Variants in RAB27B observed in about 807,000 individuals in gnomAD.
RAB27B encodes RAB27B, member RAS oncogene family.
In RAB27B, 15 loss-of-function variants were observed where a neutral mutation model predicts 24.6. That is an observed-to-expected ratio of 0.61 (90% CI 0.41 to 0.94). RAB27B has a LOEUF of 0.94. RAB27B is among the 40% of genes least tolerant of loss of function. The pLI, the probability that RAB27B is intolerant of heterozygous loss-of-function variation, is 0.00. For missense variants in RAB27B, 261 were observed against 266.8 expected (o/e 0.98, Z 0.15); for synonymous variants, 105 against 92.5 (o/e 1.14, Z -0.78).
intron 3 of RAB27B, among the ~76,000 whole-genome samples, chr18:54,882,260 T>C (rs1347166553): frequency 1.3e-5 from 2 of 152,210 alleles, no homozygotes; most frequent in Admixed American, 6.5e-5. Flanking sequence ...TCATTTAAAA[T>C]ATTTAATAAT....
intron 1 of RAB27B, among the ~76,000 whole-genome samples, chr18:54,871,082 T>C (rs1444060707): frequency 6.6e-6 from 1 of 152,248 alleles, no homozygotes; most frequent in East Asian, 1.9e-4. Context: ...TTGATGTTAA[T>C]TTATATTTGC....
rs763664942 is a variant in RAB27B, at chr18:54,888,042, A to T, written c.391A>T (p.Ile131Phe). ...TTGTGAAAATCCAGATATAGTATTA[A>T]TTGGCAACAAGGCAGACCTACCAGA... ...AYCENPDIVLIGNKADLPDQR... is the reference protein window; with the variant it reads ...AYCENPDIVLFGNKADLPDQR... Residue 131 changes from isoleucine (I) to phenylalanine (F), a missense_variant, in exon 5 of 6, where the codon ATT (isoleucine) becomes TTT (phenylalanine). Physicochemically the swap from Ile to Phe is conservative, Grantham distance 21. Coordinates refer to ENST00000262094, the MANE Select transcript of RAB27B (RefSeq NM_004163.4). 2 of 1,613,194 alleles carry T rather than the reference A, an allele frequency of 1.2e-6. No homozygotes were observed. The highest frequency in any genetic ancestry group is 4.5e-5 in the East Asian group (2 of 44,848).
At chr18:54,812,550 AACACACACACACACACAC>A (rs10595171) in intron 2 of RAB27B, among the ~76,000 whole-genome samples, 22 of 139,204 alleles carry the variant, frequency 1.6e-4, no homozygotes, top group African/African-American at 5.1e-4. Context: ...GAACTCCTTT[AACACACACACACACACAC>A]ACACACACAC....
At chr18:54,825,287 G>A (rs536202550), upstream of RAB27B, among the ~76,000 whole-genome samples, 314 of 152,154 alleles carry the variant, frequency 2.1e-3, no homozygotes, top group Non-Finnish European at 3.9e-3. Context: ...GATATATTTC[G>A]ATGAGTTTAA....
intron 2 of RAB27B, among the ~76,000 whole-genome samples, chr18:54,781,870 AT>A (rs542654423): frequency 3.5e-4 from 53 of 152,274 alleles, no homozygotes; most frequent in African/African-American, 1.3e-3. Flanking sequence ...TCTCAGGGAA[AT>A]TTTTTTCACA....
chr18:54,736,940 G>A (rs1909915586), intron 2 of RAB27B, among the ~76,000 whole-genome samples: 1 of 152,162 alleles, frequency 6.6e-6, no homozygotes, highest in Non-Finnish European at 1.5e-5. Context: ...TGAGGAATGG[G>A]AAGTCTTAGG....
At chr18:54,858,888 A>G (rs1911897612) in intron 1 of RAB27B, among the ~76,000 whole-genome samples, 3 of 152,212 alleles carry the variant, frequency 2.0e-5, no homozygotes, top group African/African-American at 7.2e-5. Context: ...ATAAACTGGA[A>G]GTGTCAGATA....
chr18:54,857,524 A>G (rs540870217), intron 1 of RAB27B, among the ~76,000 whole-genome samples: 1 of 152,364 alleles, frequency 6.6e-6, no homozygotes, highest in Non-Finnish European at 1.5e-5. Context: ...TAAATTCTAT[A>G]TATTTCTGGC....
At chr18:54,737,457 G>A (rs1312704616) in intron 2 of RAB27B, among the ~76,000 whole-genome samples, 2 of 152,152 alleles carry the variant, frequency 1.3e-5, no homozygotes, top group Non-Finnish European at 2.9e-5. Flanking sequence ...TGAGTAGATT[G>A]ATCAAAATTT....
intron 2 of RAB27B, among the ~76,000 whole-genome samples, chr18:54,802,695 T>C (rs1171387763): frequency 6.6e-6 from 1 of 152,208 alleles, no homozygotes; most frequent in Non-Finnish European, 1.5e-5. Context: ...ACATGTAAGC[T>C]CAATTTGCTG....
intron 2 of RAB27B, among the ~76,000 whole-genome samples, chr18:54,818,489 G>T (rs925648754): frequency 2.1e-4 from 32 of 151,858 alleles, no homozygotes; most frequent in African/African-American, 7.0e-4. Context: ...GTGTAAGACT[G>T]CTTCTCCCTC....
At chr18:54,724,185 G>A (rs1909455368) in intron 2 of RAB27B, among the ~76,000 whole-genome samples, 1 of 151,502 alleles carries the variant, frequency 6.6e-6, no homozygotes, top group Admixed American at 6.6e-5. Context: ...AATGAAGCAG[G>A]AAAAATTTTA....
intron 1 of RAB27B, among the ~76,000 whole-genome samples, chr18:54,836,780 C>A (rs906258542): frequency 4.6e-5 from 7 of 151,840 alleles, no homozygotes; most frequent in Admixed American, 2.6e-4. Flanking sequence ...ATGCATTGTG[C>A]ATAGTCACTT....
At chr18:54,743,571 G>A (rs1001622345) in intron 2 of RAB27B, among the ~76,000 whole-genome samples, 2 of 152,140 alleles carry the variant, frequency 1.3e-5, no homozygotes, top group Admixed American at 1.3e-4. Flanking sequence ...CAATAAATGC[G>A]GGAAAAAGCA....
chr18:54,789,793 T>C (rs1453802490), intron 2 of RAB27B, among the ~76,000 whole-genome samples: 1 of 152,124 alleles, frequency 6.6e-6, no homozygotes, highest in Admixed American at 6.5e-5. Flanking sequence ...TATTTCATTT[T>C]TGAAATTAAA....
chr18:54,835,969 T>C (rs80354027), intron 1 of RAB27B, among the ~76,000 whole-genome samples: 1,638 of 152,090 alleles, frequency 0.011, 71 homozygotes, highest in East Asian at 0.1. Context: ...CTCAGGAATG[T>C]ACGTACTTGA....
intron 1 of RAB27B, among the ~76,000 whole-genome samples, chr18:54,864,095 T>G (rs1035255890): frequency 6.6e-6 from 1 of 152,210 alleles, no homozygotes; most frequent in Admixed American, 6.5e-5. Flanking sequence ...CCAAACTGTT[T>G]TCCAAAGTGG....
chr18:54,758,043 G>A (rs915473624), intron 2 of RAB27B, among the ~76,000 whole-genome samples: 2 of 152,064 alleles, frequency 1.3e-5, no homozygotes, highest in South Asian at 2.1e-4. Flanking sequence ...GTGCGCTCTC[G>A]GCTCTGTTGA....
chr18:54,835,622 A>C (rs1274872705), intron 1 of RAB27B, among the ~76,000 whole-genome samples: 5 of 152,046 alleles, frequency 3.3e-5, no homozygotes, highest in Non-Finnish European at 7.3e-5. Flanking sequence ...CCGAGGGTTA[A>C]AACGTAATAA....
Sources: allele counts gnomAD v4.1 joint callset (sites outside exome capture counted in the v4.1 genomes callset), GRCh38; gene constraint gnomAD v4.1.1; transcripts MANE v1.5; gene names NCBI Gene and HGNC (gene_info 2026-07-23, HGNC 2026-07-21).